The following SEMA3E variants were observed in gnomAD, a reference collection of about 807,000 sequenced individuals.
The protein encoded by SEMA3E is semaphorin 3E.
SEMA3E carries 49 observed loss-of-function variants against 93.6 expected under a neutral mutation model. The observed-to-expected ratio is 0.52, with a 90% confidence interval of 0.42 to 0.66. SEMA3E has a LOEUF of 0.66. SEMA3E is among the 30% of genes least tolerant of loss of function. SEMA3E has a pLI of 0.00. For missense variants in SEMA3E, 906 were observed against 964.8 expected (o/e 0.94, Z 0.81); for synonymous variants, 363 against 330.7 (o/e 1.10, Z -1.06).
chr7:83,585,507 A>G (rs192708362), intron 1 of SEMA3E, among the ~76,000 whole-genome samples: 6 of 152,300 alleles, frequency 3.9e-5, no homozygotes, highest in Middle Eastern at 3.4e-3. Context: ...TATGAGTATT[A>G]AAGAGATAAA....
intron 1 of SEMA3E, among the ~76,000 whole-genome samples, chr7:83,529,833 G>A (rs1403313044): frequency 6.6e-6 from 1 of 151,950 alleles, no homozygotes; most frequent in Non-Finnish European, 1.5e-5. Flanking sequence ...GTATGCCCTT[G>A]ATTTCTCCCT....
chr7:83,572,801 G>A (rs1181019985), intron 1 of SEMA3E, among the ~76,000 whole-genome samples: 2 of 152,230 alleles, frequency 1.3e-5, no homozygotes, highest in African/African-American at 4.8e-5. Flanking sequence ...AATAAATAGT[G>A]CTAGAATAAC....
rs887153271 is a variant in SEMA3E at position 83,460,211 on chromosome 7, G to A, written c.456+6271C>T. ...TGCTCCATGAGAAAGATCCACCTAC[G>A]ACCTCAGGTCCTCAGACTGACCAGC... On this transcript the variant is annotated intron_variant, in intron 4 of 16. Transcript: ENST00000643230. Among the ~76,000 whole-genome samples, 5 of 152,196 alleles carry A rather than the reference G, an allele frequency of 3.3e-5. No individual in the cohort carries two copies. In the East Asian group the frequency reaches 9.7e-4, roughly 30 times the overall value.
chr7:83,372,253 T>C (rs1794759287), intron 16 of SEMA3E: 4 of 398,024 alleles, frequency 1.0e-5, no homozygotes, highest in Admixed American at 4.4e-5. Flanking sequence ...GAAAGAGGGC[T>C]ACATCACAGA....
chr7:83,476,530 G>C (rs1310562197), intron 2 of SEMA3E, among the ~76,000 whole-genome samples: 1 of 152,116 alleles, frequency 6.6e-6, no homozygotes, highest in African/African-American at 2.4e-5. Flanking sequence ...TTTTTTTCTT[G>C]TTATTTTGGT....
rs894095856 is a variant in SEMA3E, at chr7:83,539,174, G to A, written c.116-48900C>T. On this transcript the variant is annotated intron_variant, in intron 1 of 16. Transcript: ENST00000643230. ...CAAATGATACATTTAATCCTTTTAT[G>A]TTAGATAAAGCCTAGTACCAGGCTC... 2.6e-5 allele frequency among the ~76,000 whole-genome samples: 4 copies of A among 152,144 alleles called. No individual in the cohort carries two copies. In the East Asian group the frequency reaches 5.8e-4, roughly 22 times the overall value.
At chr7:83,494,693 C>T (rs1013894128) in intron 1 of SEMA3E, among the ~76,000 whole-genome samples, 2 of 151,898 alleles carry the variant, frequency 1.3e-5, no homozygotes, top group Non-Finnish European at 2.9e-5. Flanking sequence ...TTAATGCCAC[C>T]GCTTCACTGT....
At chr7:83,390,194 TATACGTGTGCAC>T (rs1260683634) in intron 14 of SEMA3E, among the ~76,000 whole-genome samples, 1 of 19,124 alleles carries the variant, frequency 5.2e-5, no homozygotes, top group African/African-American at 1.3e-4. Context: ...TATATGCGCG[TATACGTGTGCAC>T]ATATATGCGC....
Position 83,471,843 on chromosome 7 carries a change from G to A in SEMA3E, c.277-2541C>T, listed in dbSNP as rs373257315. Among the ~76,000 whole-genome samples the A allele has an allele frequency of 4.7e-4, 72 of 152,206 alleles. No homozygotes were observed. The South Asian group carries it at 0.015, about 31-fold the overall frequency. On this transcript the variant is annotated intron_variant, in intron 2 of 16. Coordinates refer to ENST00000643230, the MANE Select transcript of SEMA3E (RefSeq NM_012431.3). ...ATTTCTACAGAAATCTTTGAAGGGA[G>A]CAAAAAATCAAATTACAGTATATAC...
At chr7:83,509,543 A>G (rs1790770036) in intron 1 of SEMA3E, among the ~76,000 whole-genome samples, 1 of 152,184 alleles carries the variant, frequency 6.6e-6, no homozygotes, top group Non-Finnish European at 1.5e-5. Flanking sequence ...AACAAAACAA[A>G]ACAAAACAAA....
Position 83,364,995 on chromosome 7 carries a change from T to G in SEMA3E, c.*2591A>C, listed in dbSNP as rs1374674688. ...GCATTTCTCACAACAGATTCTGAAT[T>G]TGAATTAATTCTAACCTCAGACAGA... On this transcript the variant is annotated 3_prime_UTR_variant, in exon 17 of 17. Coordinates refer to ENST00000643230, the MANE Select transcript of SEMA3E (RefSeq NM_012431.3). 1 of 152,236 alleles carries G rather than the reference T, an allele frequency of 6.6e-6. No homozygotes were observed. Among genetic ancestry groups the G allele is most frequent in the African/African-American group, 2.4e-5 (1 of 41,464 alleles). The allele number at this position is 152,236 out of a possible 1,614,324, so 9.4% of individuals were successfully genotyped here. A position where few individuals can be genotyped will look rare whatever the true frequency, so the allele number is the denominator to read the frequency against.
intron 4 of SEMA3E, among the ~76,000 whole-genome samples, chr7:83,426,580 C>G (rs1232688967): frequency 3.3e-5 from 5 of 152,084 alleles, no homozygotes; most frequent in Admixed American, 6.6e-5. Flanking sequence ...GGACTATTCT[C>G]AGTACCTGGC....
At chr7:83,437,846 G>T (rs765082139) in intron 4 of SEMA3E, among the ~76,000 whole-genome samples, 2 of 152,042 alleles carry the variant, frequency 1.3e-5, no homozygotes, top group Non-Finnish European at 2.9e-5. Context: ...AAACTATTAG[G>T]ATTATATCAC....
At chr7:83,475,584 G>C (rs1789992969) in intron 2 of SEMA3E, among the ~76,000 whole-genome samples, 1 of 152,084 alleles carries the variant, frequency 6.6e-6, no homozygotes, top group Non-Finnish European at 1.5e-5. Flanking sequence ...AGGCTGCCAC[G>C]CATCACCCCC....
intron 4 of SEMA3E, among the ~76,000 whole-genome samples, chr7:83,418,932 C>T (rs2115697017): frequency 6.6e-6 from 1 of 152,000 alleles, no homozygotes; most frequent in East Asian, 1.9e-4. Context: ...GGTACATATG[C>T]AGGTTTGTTA....
chr7:83,518,317 G>GA (rs530647776), intron 1 of SEMA3E, among the ~76,000 whole-genome samples: 2,765 of 147,018 alleles, frequency 0.019, 40 homozygotes, highest in Middle Eastern at 0.039. Flanking sequence ...CATTAGCTCA[G>GA]AAAAAAAAAG....
Position 83,437,935 on chromosome 7 carries a change from C to A in SEMA3E, c.457-19452G>T, listed in dbSNP as rs146271531. 2.7e-3 allele frequency among the ~76,000 whole-genome samples: 416 copies of A among 152,160 alleles called. 2 individuals are homozygous for A. Among genetic ancestry groups the A allele is most frequent in the African/African-American group, 8.3e-3 (345 of 41,528 alleles). ...TTGTTCATAATAAGGATAATAACTGCAACAGATTGAAATAAGCCTAAACAA... is the reference window on the plus strand; with the variant it reads ...TTGTTCATAATAAGGATAATAACTGAAACAGATTGAAATAAGCCTAAACAA... On this transcript the variant is annotated intron_variant, in intron 4 of 16. Transcript: ENST00000643230.
chr7:83,392,224 G>A (rs1173244070), intron 14 of SEMA3E, among the ~76,000 whole-genome samples: 1 of 152,080 alleles, frequency 6.6e-6, no homozygotes, highest in Non-Finnish European at 1.5e-5. Flanking sequence ...CTGGTAGAGA[G>A]GACATGGGGC....
Position 83,407,203 on chromosome 7 carries a change from T to G in SEMA3E, c.707A>C (p.Asn236Thr), listed in dbSNP as rs774036972. Residue 236 changes from asparagine to threonine, a missense_variant, in exon 7 of 17, where the codon AAT becomes ACT. Coordinates refer to ENST00000643230, the MANE Select transcript of SEMA3E (RefSeq NM_012431.3). The part of the protein sequence containing the change: ...KFVGSYMIPD[N>T]EDRDDNKVYF... Reference sequence around the variant, plus strand: ...TACTTTGTTGTCATCTCTGTCTTCATTGTCAGGAATCATGTATGAACCTAC... The same window carrying G: ...TACTTTGTTGTCATCTCTGTCTTCAGTGTCAGGAATCATGTATGAACCTAC... The G allele has an allele frequency of 1.9e-6, 3 of 1,613,298 alleles. No homozygotes were observed. Among genetic ancestry groups the G allele is most frequent in the Non-Finnish European group, 2.5e-6 (3 of 1,179,738 alleles).
Sources: gnomAD v4.1 joint callset for allele counts (sites outside exome capture counted in the v4.1 genomes callset) on GRCh38, gnomAD v4.1.1 for gene constraint, MANE v1.5 for transcripts, NCBI Gene and HGNC (gene_info 2026-07-23, HGNC 2026-07-21) for gene names.